The following PNPLA8 variants were observed in gnomAD, a reference collection of about 807,000 sequenced individuals.
PNPLA8 encodes the protein patatin like domain 8, phospholipase A2.
Under a neutral mutation model 76.9 loss-of-function variants are expected in PNPLA8, and 39 were observed. The ratio of observed to expected loss-of-function variants is 0.51; its 90% confidence interval spans 0.39 to 0.66. The LOEUF (loss-of-function observed/expected upper bound fraction) is 0.66, where lower values mean the gene tolerates loss of function less well. Among genes scored for constraint, PNPLA8 ranks in the 30% least tolerant of loss-of-function variants. The probability of loss-of-function intolerance (pLI) is 0.00; values close to 1 mark genes in which losing one functional copy is unlikely to be tolerated. For missense variants in PNPLA8, 887 were observed against 918.0 expected, an observed-to-expected ratio of 0.97 and a Z score of 0.44; for synonymous variants, 301 against 307.9, an observed-to-expected ratio of 0.98 and a Z score of 0.24.
At chr7:108,482,359 C>G (rs1316064087) in intron 9 of PNPLA8, among the ~76,000 whole-genome samples, 2 of 152,132 alleles carry the variant, frequency 1.3e-5, no homozygotes, top group Non-Finnish European at 2.9e-5. Flanking sequence ...GTAGTCCCAG[C>G]TACTCAGGAG....
intron 8 of PNPLA8, among the ~76,000 whole-genome samples, chr7:108,489,960 A>C (rs1861023987): frequency 6.6e-6 from 1 of 152,236 alleles, no homozygotes; most frequent in Non-Finnish European, 1.5e-5. Flanking sequence ...AATTTTTATA[A>C]TAATATAATC....
chr7:108,511,122 A>G (rs2154516477), intron 4 of PNPLA8: 1 of 608,294 alleles, frequency 1.6e-6, no homozygotes, highest in East Asian at 2.8e-5. Flanking sequence ...TAAAATTTGT[A>G]AAATTTGCCT....
In PNPLA8 at chr7:108,502,601, C is replaced by T. The variant is rs1862046413; in HGVS notation, c.1248G>A (p.Lys416=). 8.1e-6 allele frequency: 13 copies of T among 1,611,678 alleles called. No homozygotes were observed. Among genetic ancestry groups the T allele is most frequent in the Non-Finnish European group, 1.1e-5 (13 of 1,177,898 alleles). ...IPYLLRLRQI[K]DETLQAAVRE... ...TAACTGCAGCCTGAAGAGTTTCATC[C>T]TTAATTTGTCTCAGTCGTAATAAAT... The change falls in exon 5 of 11, where the codon AAG becomes AAA. Residue 416 remains lysine, a synonymous_variant. Transcript: ENST00000257694.
In PNPLA8 at chr7:108,514,568, T is replaced by A. The variant is rs766597801; in HGVS notation, c.924A>T (p.Gly308=). The A allele has an allele frequency of 6.2e-7, 1 of 1,613,910 alleles. No homozygotes were observed. Among genetic ancestry groups the A allele is most frequent in the Non-Finnish European group, 8.5e-7 (1 of 1,179,818 alleles). Residue 308 remains glycine (G), a synonymous_variant, in exon 3 of 11, where the codon GGA becomes GGT. Transcript: ENST00000257694. ...AATCATACTTTAATTTGGGGACAAG[T>A]CCACCAATATAACCACCTACTAAAG... ...VQALVGGYIG[G]LVPKLKYDSK...
chr7:108,496,528 A>G, intron 7 of PNPLA8, 56 bp downstream of exon 7: 1 of 1,033,030 alleles, frequency 9.7e-7, no homozygotes, highest in East Asian at 2.7e-5. Context: ...TCAAATTATA[A>G]TATGCACATA....
intron 5 of PNPLA8, among the ~76,000 whole-genome samples, chr7:108,499,118 A>G (rs1011254942): frequency 2.4e-4 from 37 of 152,214 alleles, no homozygotes; most frequent in Non-Finnish European, 1.5e-4. Flanking sequence ...GCTGGATAAA[A>G]TATATTTAAC....
chr7:108,490,533 C>T (rs1861074216), intron 8 of PNPLA8, among the ~76,000 whole-genome samples: 1 of 152,182 alleles, frequency 6.6e-6, no homozygotes, highest in African/African-American at 2.4e-5. Flanking sequence ...CCCGTAATCC[C>T]AGCACTTTGG....
intron 7 of PNPLA8, among the ~76,000 whole-genome samples, chr7:108,494,884 T>C (rs1861446761): frequency 6.6e-6 from 1 of 152,088 alleles, no homozygotes; most frequent in Admixed American, 6.6e-5. Flanking sequence ...TTGAGGAATA[T>C]CCCATAAGAA....
intron 7 of PNPLA8, 99 bp downstream of exon 7, chr7:108,496,485 A>G (rs923227600): frequency 4.5e-6 from 3 of 661,516 alleles, no homozygotes. Flanking sequence ...TCAAATTATA[A>G]TATGCAAGAA....
intron 4 of PNPLA8, chr7:108,510,978 G>A (rs1862877194): frequency 1.3e-6 from 2 of 1,497,382 alleles, no homozygotes; most frequent in East Asian, 2.3e-5. Flanking sequence ...ATGAACTAAG[G>A]TGTCTACCAT....
At chr7:108,493,562 G>A (rs1210986715) in intron 7 of PNPLA8, among the ~76,000 whole-genome samples, 304 of 133,318 alleles carry the variant, frequency 2.3e-3, no homozygotes, top group African/African-American at 7.6e-3. Flanking sequence ...CCGCCCCCAT[G>A]CCTGGCTTTT....
At chr7:108,514,373 G>A (rs1863146093) in intron 3 of PNPLA8, 63 bp downstream of exon 3, 1 of 1,539,242 alleles carries the variant, frequency 6.5e-7, no homozygotes, top group South Asian at 1.2e-5. Flanking sequence ...GTTCTCATTA[G>A]GAAATAAAAC....
chr7:108,486,995 G>GT (rs1186586534), intron 9 of PNPLA8, among the ~76,000 whole-genome samples: 5 of 152,188 alleles, frequency 3.3e-5, no homozygotes, highest in African/African-American at 7.2e-5. Flanking sequence ...AGCTTTCAAA[G>GT]TATCAGCTCT....
chr7:108,487,907 G>C lies in PNPLA8; in HGVS notation c.1730C>G (p.Ala577Gly). 1 of 1,613,278 alleles carries C rather than the reference G, an allele frequency of 6.2e-7. No homozygotes were observed. ...TIVNRGITPK[A>G]FVFRNYGHFP... The stretch of plus-strand genomic sequence containing the variant: ...ATGACCATAGTTTCTGAACACAAAA[G>C]CTTTGGGTGTTATCCCTCTATTTAC... The change falls in exon 9 of 11, where the codon GCT becomes GGT. Residue 577 changes from alanine to glycine, a missense_variant. Coordinates refer to ENST00000257694, the MANE Select transcript of PNPLA8 (RefSeq NM_001256007.3).
chr7:108,517,823 G>A (rs1046590988), intron 2 of PNPLA8, among the ~76,000 whole-genome samples: 3 of 152,262 alleles, frequency 2.0e-5, no homozygotes, highest in African/African-American at 7.2e-5. Flanking sequence ...AGGCTGGAGT[G>A]CAGTGGCATG....
At position 108,502,485 on chromosome 7, in the gene PNPLA8, C is replaced by A. The variant is rs748423059; in HGVS notation, c.1358+6G>T. 2.2e-6 allele frequency: 3 copies of A among 1,372,820 alleles called. No homozygotes were observed. Among genetic ancestry groups the A allele is most frequent in the South Asian group, 2.4e-5 (2 of 84,270 alleles). 85.0% of individuals were successfully genotyped at this position (1,372,820 alleles called of 1,614,324 possible). A position where few individuals can be genotyped will look rare whatever the true frequency, so the allele number is the denominator to read the frequency against. ...AAAAAAAAAAGAATCATGTTCCTAG[C>A]CTTACCTTGTTCCTCCACCATCAAT... On this transcript the variant is annotated splice_donor_region_variant and intron_variant, in intron 5 of 10. Coordinates refer to ENST00000257694, the MANE Select transcript of PNPLA8 (RefSeq NM_001256007.3).
At chr7:108,481,552 T>G (rs186109677) in intron 9 of PNPLA8, among the ~76,000 whole-genome samples, 1 of 152,360 alleles carries the variant, frequency 6.6e-6, no homozygotes, top group African/African-American at 2.4e-5. Context: ...TGTTAAATTC[T>G]GAGAGTTTCT....
intron 4 of PNPLA8, chr7:108,510,291 A>G (rs1354442758): frequency 6.3e-7 from 1 of 1,587,552 alleles, no homozygotes; most frequent in South Asian, 1.1e-5. Flanking sequence ...CTTAAGAAAA[A>G]GCGAAGGAAT....
chr7:108,516,661 A>G (rs40879), intron 2 of PNPLA8, among the ~76,000 whole-genome samples: 144,490 of 152,286 alleles, frequency 0.95, 68,674 homozygotes, highest in African/African-American at 0.99. Flanking sequence ...CCAGCACTTT[A>G]GGAGGCTGAG....
Sources: gnomAD v4.1 joint callset for allele counts (sites outside exome capture counted in the v4.1 genomes callset) on GRCh38, gnomAD v4.1.1 for gene constraint, MANE v1.5 for transcripts, NCBI Gene and HGNC (gene_info 2026-07-23, HGNC 2026-07-21) for gene names.